Variants in CBFA2T3 observed in about 807,000 individuals in gnomAD.
CBFA2T3 encodes CBFA2/RUNX1 partner transcriptional co-repressor 3.
Under a neutral mutation model 58.6 loss-of-function variants are expected in CBFA2T3, and 31 were observed. The ratio of observed to expected loss-of-function variants is 0.53; its 90% CI spans 0.40 to 0.71. The LOEUF is 0.71. Among genes scored for constraint, CBFA2T3 ranks in the 30% least tolerant of loss-of-function variants. The pLI is 0.00. For missense variants in CBFA2T3, 1,076 were observed against 963.1 expected (o/e 1.12, Z -1.55); for synonymous variants, 531 against 421.9 (o/e 1.26, Z -3.17).
At chr16:88,887,801 G>A (rs959287267) in intron 5 of CBFA2T3, among the ~76,000 whole-genome samples, 17 of 151,978 alleles carry the variant, frequency 1.1e-4, no homozygotes, top group South Asian at 4.2e-4. Context: ...ACCACTGAAC[G>A]GAAGTTCTGC....
intron 8 of CBFA2T3, 27 bp downstream of exon 8, chr16:88,882,649 T>A (rs1164934085): frequency 6.8e-7 from 1 of 1,477,176 alleles, no homozygotes; most frequent in African/African-American, 1.4e-5. Context: ...CATGGCTGTG[T>A]GGGCGTGGCT....
intron 1 of CBFA2T3, among the ~76,000 whole-genome samples, chr16:88,916,286 T>C (rs528080519): frequency 6.9e-6 from 1 of 144,488 alleles, no homozygotes; most frequent in Admixed American, 6.9e-5. Flanking sequence ...GTATATGCAC[T>C]TACATATACA....
chr16:88,915,102 C>T (rs984204773), intron 1 of CBFA2T3, among the ~76,000 whole-genome samples: 2 of 151,192 alleles, frequency 1.3e-5, no homozygotes, highest in African/African-American at 4.9e-5. Flanking sequence ...TCTCTTGTCT[C>T]CATGCCCCCA....
At chr16:88,907,564 G>A (rs558110681) in intron 1 of CBFA2T3, among the ~76,000 whole-genome samples, 16 of 152,352 alleles carry the variant, frequency 1.1e-4, no homozygotes, top group Non-Finnish European at 2.1e-4. Context: ...TTACGAGTGG[G>A]GAAACAGAGG....
chr16:88,900,441 G>C (rs1970052631), intron 2 of CBFA2T3, among the ~76,000 whole-genome samples: 1 of 152,272 alleles, frequency 6.6e-6, no homozygotes, highest in African/African-American at 2.4e-5. Flanking sequence ...GGCAGAGCCA[G>C]GGAGGGAGCC....
At chr16:88,891,041 C>T (rs1969609574) in intron 5 of CBFA2T3, among the ~76,000 whole-genome samples, 2 of 152,118 alleles carry the variant, frequency 1.3e-5, no homozygotes, top group Non-Finnish European at 2.9e-5. Context: ...AGCTGACAAG[C>T]CCCGCGTGCT....
At position 88,976,710 on chromosome 16, in the gene CBFA2T3, A is replaced by G; in HGVS notation, c.98T>C (p.Leu33Pro). ...TGCGGAGCAGCCGGCAGATGCCAGG[A>G]GGCCGCTCTCCAGCACAGGGTGCGT... ...SQTHPVLESG[L>P]LASAGCSAPR... The change falls in exon 1 of 12, where the codon CTC becomes CCC. Residue 33 changes from leucine (L) to proline (P), a missense_variant. Transcript: ENST00000268679. 6.4e-7 allele frequency: 1 copy of G among 1,559,640 alleles called. No individual in the cohort carries two copies. Among genetic ancestry groups the G allele is most frequent in the Non-Finnish European group, 8.7e-7 (1 of 1,151,828 alleles).
At chr16:88,932,568 G>A (rs1051996385) in intron 1 of CBFA2T3, among the ~76,000 whole-genome samples, 4 of 151,936 alleles carry the variant, frequency 2.6e-5, no homozygotes, top group Admixed American at 2.0e-4. Context: ...GATCGCTTGA[G>A]CCTAGGAGGT....
At chr16:88,917,461 G>C (rs1258955107) in intron 1 of CBFA2T3, among the ~76,000 whole-genome samples, 1 of 152,216 alleles carries the variant, frequency 6.6e-6, no homozygotes, top group Non-Finnish European at 1.5e-5. Flanking sequence ...GGAAGGCTCA[G>C]CTGTCTGCGG....
rs1309400888 is a variant in CBFA2T3, at chr16:88,886,110, C to G, written c.744G>C (p.Leu248=). Residue 248 remains leucine, a synonymous_variant, in exon 6 of 12, where the codon CTG becomes CTC. Coordinates refer to ENST00000268679, the MANE Select transcript of CBFA2T3 (RefSeq NM_005187.6). ...ANLPLLQREL[L]HCARLAKQTP... is the part of the protein sequence containing the mutation. ...TCTGCTTGGCCAGGCGTGCACAGTG[C>G]AGGAGCTCCCGCTGCAGCAAGGGCA... 6.4e-7 allele frequency: 1 copy of G among 1,561,428 alleles called. No homozygotes were observed.
Position 88,876,947 on chromosome 16 carries a change from T to C in CBFA2T3, c.*29A>G. 7.1e-7 allele frequency: 1 copy of C among 1,399,440 alleles called. No homozygotes were observed. The highest frequency in any genetic ancestry group is 9.3e-7 in the Non-Finnish European group (1 of 1,079,028). 86.7% of individuals were successfully genotyped at this position (1,399,440 alleles called of 1,614,324 possible). A position where few individuals can be genotyped will look rare whatever the true frequency, so the allele number is the denominator to read the frequency against. ...GAGCTGGGTGGGGTTGGCACGGTGC[T>C]GTGTCCGGCAGGCCAGGGGCCAGTG... On this transcript the variant is annotated 3_prime_UTR_variant, in exon 12 of 12. Coordinates refer to ENST00000268679, the MANE Select transcript of CBFA2T3 (RefSeq NM_005187.6).
chr16:88,946,960 G>A (rs1004427400), intron 1 of CBFA2T3, among the ~76,000 whole-genome samples: 2 of 152,190 alleles, frequency 1.3e-5, no homozygotes, highest in African/African-American at 4.8e-5. Flanking sequence ...GTGTTGCCCA[G>A]ACTGCACAGA....
intron 1 of CBFA2T3, among the ~76,000 whole-genome samples, chr16:88,974,124 T>C (rs11862139): frequency 0.49 from 73,808 of 152,052 alleles, 18,126 homozygotes; most frequent in East Asian, 0.55. Flanking sequence ...TCTCTGTCCC[T>C]GGCACCCTCC....
rs558500547 is a variant in CBFA2T3 at position 88,892,141 on chromosome 16, G to A, written c.621+103C>T. 1.9e-4 allele frequency: 279 copies of A among 1,451,798 alleles called. No homozygotes were observed. The African/African-American group carries it at 3.4e-3, about 18-fold the overall frequency. The allele number at this position is 1,451,798 out of a possible 1,614,324, so 89.9% of individuals were successfully genotyped here. ...CATCGTGGGAGCGGGTCCACGCCCG[G>A]TTGTCAGCGTGGAGCCCATGTAAGG... is the stretch of plus-strand genomic sequence containing the variant. On this transcript the variant is annotated intron_variant, in intron 4 of 11. Transcript: ENST00000268679.
At chr16:88,927,928 C>A (rs1971137545) in intron 1 of CBFA2T3, among the ~76,000 whole-genome samples, 1 of 152,238 alleles carries the variant, frequency 6.6e-6, no homozygotes, top group South Asian at 2.1e-4. Flanking sequence ...CTGACACGGG[C>A]AACCCTGCCC....
At chr16:88,894,719 T>G (rs1969818157) in intron 3 of CBFA2T3, among the ~76,000 whole-genome samples, 1 of 152,210 alleles carries the variant, frequency 6.6e-6, no homozygotes, top group Admixed American at 6.5e-5. Context: ...GTGCTGAGAG[T>G]GTGGGTCTAC....
chr16:88,951,998 C>T (rs1409718873), intron 1 of CBFA2T3, among the ~76,000 whole-genome samples: 1 of 152,206 alleles, frequency 6.6e-6, no homozygotes, highest in Non-Finnish European at 1.5e-5. Context: ...CATTCTGGCA[C>T]AGACCCTTGG....
At chr16:88,892,541 G>A in intron 3 of CBFA2T3, 56 bp from the exon 4 acceptor site, 3 of 1,597,590 alleles carry the variant, frequency 1.9e-6, no homozygotes, top group Non-Finnish European at 2.6e-6. Context: ...ACACAACCCA[G>A]ACGGCGGCGA....
chr16:88,882,919 G>A (rs377596312), intron 7 of CBFA2T3, among the ~76,000 whole-genome samples, 158 bp from the exon 8 acceptor site: 1 of 152,242 alleles, frequency 6.6e-6, no homozygotes, highest in Non-Finnish European at 1.5e-5. Flanking sequence ...TGGTGACCGT[G>A]GAGGATGCCT....
Sources: gnomAD v4.1 joint callset for allele counts (sites outside exome capture counted in the v4.1 genomes callset) on GRCh38, gnomAD v4.1.1 for gene constraint, MANE v1.5 for transcripts, NCBI Gene and HGNC (gene_info 2026-07-23, HGNC 2026-07-21) for gene names.